SFMBT1: variants seen among roughly 807,000 people sequenced by gnomAD.
The protein encoded by SFMBT1 is Scm like with four mbt domains 1, also known as scm-like with four MBT domains protein 1.
Under a neutral mutation model 108.7 loss-of-function variants are expected in SFMBT1, and 32 were observed. The observed-to-expected ratio is 0.29, with a 90% CI of 0.22 to 0.40. The LOEUF is 0.40. SFMBT1 is among the 10% of genes least tolerant of loss of function. SFMBT1 has a pLI of 1.00. For missense variants in SFMBT1, 816 were observed against 1,059.6 expected, an observed-to-expected ratio of 0.77 and a Z score of 3.19; for synonymous variants, 348 against 369.5, an observed-to-expected ratio of 0.94 and a Z score of 0.67.
chr3:52,934,746 C>A, intron 5 of SFMBT1, 67 bp downstream of exon 5: 2 of 1,346,510 alleles, frequency 1.5e-6, no homozygotes, highest in South Asian at 1.3e-5. Flanking sequence ...AATAAGCAAC[C>A]GATTTTAAGA....
At chr3:53,012,623 C>T (rs1169992034) in intron 1 of SFMBT1, among the ~76,000 whole-genome samples, 2 of 151,238 alleles carry the variant, frequency 1.3e-5, no homozygotes, top group African/African-American at 4.9e-5. Flanking sequence ...AGGATGGTCT[C>T]GATCTCCTGA....
chr3:52,950,865 G>C (rs1703556405), intron 3 of SFMBT1, among the ~76,000 whole-genome samples: 1 of 151,942 alleles, frequency 6.6e-6, no homozygotes, highest in South Asian at 2.1e-4. Context: ...CATAATCCCA[G>C]CATTTTGGGA....
rs55688451 is a variant in SFMBT1, at chr3:52,972,841, A to AACACACACAC, written c.-130-3593_-130-3584dup. 3.2e-3 allele frequency among the ~76,000 whole-genome samples: 382 copies of AACACACACAC among 118,912 alleles called. 3 individuals are homozygous for AACACACACAC. The highest frequency in any genetic ancestry group is 0.026 in the Middle Eastern group (6 of 230). 78.0% of individuals were successfully genotyped at this position (118,912 alleles called of 152,430 possible). On this transcript the variant is annotated intron_variant, in intron 1 of 20. Transcript: ENST00000394752. ...ATGTGGTAAAACCCCATCTCTACTA[A>AACACACACAC]ACACACACACACACACACACACACA...
chr3:52,947,329 G>A (rs991234319), intron 3 of SFMBT1, among the ~76,000 whole-genome samples: 18 of 150,464 alleles, frequency 1.2e-4, no homozygotes, highest in South Asian at 4.2e-4. Flanking sequence ...GTGTTGGCCA[G>A]GATGGTCTCG....
intron 2 of SFMBT1, among the ~76,000 whole-genome samples, chr3:52,958,704 G>A (rs1158800937): frequency 2.6e-5 from 4 of 152,176 alleles, no homozygotes; most frequent in African/African-American, 9.6e-5. Flanking sequence ...CAGCCATTGT[G>A]GAAGACAGTG....
intron 2 of SFMBT1, among the ~76,000 whole-genome samples, chr3:52,961,461 A>T (rs1039772508): frequency 6.6e-6 from 1 of 151,710 alleles, no homozygotes; most frequent in Non-Finnish European, 1.5e-5. Flanking sequence ...CTGAAGCAAG[A>T]GAACCGCTTG....
At chr3:53,022,449 C>CA (rs34744052) in intron 1 of SFMBT1, among the ~76,000 whole-genome samples, 1,159 of 39,060 alleles carry the variant, frequency 0.03, 34 homozygotes, top group South Asian at 0.14. Context: ...GGTGCTGTCT[C>CA]AAAAAAAAAA....
rs1466986257 is a variant in SFMBT1, at chr3:53,006,079, T to C, written c.-130-36821A>G. Among the ~76,000 whole-genome samples the C allele has an allele frequency of 2.0e-5, 3 of 152,294 alleles. No homozygotes were observed. In the East Asian group the frequency reaches 5.8e-4, roughly 29 times the overall value. On this transcript the variant is annotated intron_variant, in intron 1 of 20. Transcript: ENST00000394752. ...CAAGCTGCTGCCTGAAGAAGTTGAT[T>C]AGCCCATTGGCGGAAGCATAGTGAG...
At chr3:52,961,609 A>G (rs1003694086) in intron 2 of SFMBT1, among the ~76,000 whole-genome samples, 2 of 152,246 alleles carry the variant, frequency 1.3e-5, no homozygotes, top group Admixed American at 6.5e-5. Flanking sequence ...ACATTTTACC[A>G]CAATAAAAAA....
chr3:52,923,536 G>A (rs1203567330), intron 10 of SFMBT1, among the ~76,000 whole-genome samples: 1 of 151,090 alleles, frequency 6.6e-6, no homozygotes, highest in Non-Finnish European at 1.5e-5. Flanking sequence ...CTCCAGCCTG[G>A]GCAACAAGAG....
intron 3 of SFMBT1, among the ~76,000 whole-genome samples, chr3:52,944,925 T>G (rs1055691878): frequency 3.3e-5 from 5 of 151,748 alleles, no homozygotes; most frequent in African/African-American, 1.2e-4. Context: ...CACATCAGCC[T>G]CCTGAGTAGC....
intron 14 of SFMBT1, 50 bp downstream of exon 14, chr3:52,916,100 C>A (rs2106771572): frequency 6.8e-7 from 1 of 1,467,418 alleles, no homozygotes; most frequent in East Asian, 2.3e-5. Flanking sequence ...AGATATAGTC[C>A]ATTAAAAGAA....
At chr3:52,966,336 A>AT (rs1704144139) in intron 2 of SFMBT1, among the ~76,000 whole-genome samples, 2 of 97,818 alleles carry the variant, frequency 2.0e-5, no homozygotes, top group East Asian at 3.2e-4. Context: ...AGAAAAAAAA[A>AT]AGGACTAAAG....
In SFMBT1 at chr3:52,954,304, A is replaced by T; in HGVS notation, c.123+13T>A. 1 of 1,578,740 alleles carries T rather than the reference A, an allele frequency of 6.3e-7. No homozygotes were observed. The highest frequency in any genetic ancestry group is 1.3e-5 in the African/African-American group (1 of 74,100). The stretch of plus-strand genomic sequence containing the variant: ...GATATAACACCAGTAAGGCAAATAT[A>T]GTTATTGCTTACATGTTTAAAAGAC... On this transcript the variant is annotated intron_variant, in intron 3 of 20. Coordinates refer to ENST00000394752, the MANE Select transcript of SFMBT1 (RefSeq NM_016329.4).
At chr3:52,928,050 A>G in intron 9 of SFMBT1, 141 bp downstream of exon 9, 1 of 1,028,922 alleles carries the variant, frequency 9.7e-7, no homozygotes, top group East Asian at 2.5e-5. Context: ...ACCTTTCCTT[A>G]TACTTTTCTC....
At chr3:52,947,359 C>T (rs1238442264) in intron 3 of SFMBT1, among the ~76,000 whole-genome samples, 7 of 152,042 alleles carry the variant, frequency 4.6e-5, no homozygotes, top group African/African-American at 1.4e-4. Flanking sequence ...CCTTGTGATC[C>T]GCCCGCCTCG....
At chr3:52,954,542 G>A (rs1703717128) in intron 2 of SFMBT1, 131 bp from the exon 3 acceptor site, 1 of 716,794 alleles carries the variant, frequency 1.4e-6, no homozygotes, top group Non-Finnish European at 2.3e-6. Context: ...AGAATTAAGT[G>A]GGGTTTTGTT....
chr3:52,977,677 G>A (rs1472253949), intron 1 of SFMBT1, among the ~76,000 whole-genome samples: 3 of 152,136 alleles, frequency 2.0e-5, no homozygotes, highest in African/African-American at 7.2e-5. Context: ...GTTTTATATA[G>A]ATGTATACAT....
Position 52,907,561 on chromosome 3 carries a change from A to C in SFMBT1, c.2079T>G (p.Ser693=), listed in dbSNP as rs1702098407. 2 of 1,613,024 alleles carry C rather than the reference A, an allele frequency of 1.2e-6. No individual in the cohort carries two copies. Among genetic ancestry groups the C allele is most frequent in the Non-Finnish European group, 1.7e-6 (2 of 1,179,558 alleles). ...CACATCACAGATCTCATACCTGGGGAGAGCCCGCTGGGGTATTATCAACAG... is the reference window on the plus strand; with the variant it reads ...CACATCACAGATCTCATACCTGGGGCGAGCCCGCTGGGGTATTATCAACAG... ...SASVDNTPAG[S]PQGSGGEDED... Residue 693 remains serine, a synonymous_variant, in exon 18 of 21, where the codon TCT becomes TCG. Transcript: ENST00000394752.
Sources: allele counts gnomAD v4.1 joint callset (sites outside exome capture counted in the v4.1 genomes callset), GRCh38; gene constraint gnomAD v4.1.1; transcripts MANE v1.5; gene names NCBI Gene and HGNC (gene_info 2026-07-23, HGNC 2026-07-21).